The following NYAP2 variants were observed in gnomAD, a reference collection of about 807,000 sequenced individuals.
The protein encoded by NYAP2 is neuronal tyrosine-phosphorylated phosphoinositide-3-kinase adaptor 2.
NYAP2 carries 23 observed loss-of-function variants against 50.4 expected under a neutral mutation model. That is an observed-to-expected ratio of 0.46 (90% CI 0.33 to 0.65). The LOEUF (loss-of-function observed/expected upper bound fraction) is 0.65. Ranked by LOEUF, NYAP2 falls within the 30% of genes least tolerant of loss-of-function variation. The pLI is 0.02. For missense variants in NYAP2, 885 were observed against 861.0 expected, an observed-to-expected ratio of 1.03 and a Z score of -0.35; for synonymous variants, 394 against 365.2, an observed-to-expected ratio of 1.08 and a Z score of -0.90.
chr2:225,655,024 C>T (rs1693800578), downstream of NYAP2, among the ~76,000 whole-genome samples: 1 of 152,208 alleles, frequency 6.6e-6, no homozygotes, highest in South Asian at 2.1e-4. Flanking sequence ...TGACTGGTCC[C>T]CATTCCCCAT....
chr2:225,492,955 A>G (rs1690433986), intron 3 of NYAP2, among the ~76,000 whole-genome samples: 1 of 152,042 alleles, frequency 6.6e-6, no homozygotes, highest in Non-Finnish European at 1.5e-5. Flanking sequence ...TGGCAGAGGA[A>G]TGTGTGCTCT....
intron 3 of NYAP2, among the ~76,000 whole-genome samples, chr2:225,445,273 G>C (rs768611587): frequency 2.0e-5 from 3 of 151,932 alleles, no homozygotes; most frequent in Non-Finnish European, 4.4e-5. Context: ...TTATGCTAAA[G>C]TACATAAAAT....
At chr2:225,552,764 C>T (rs1418758794) in intron 4 of NYAP2, among the ~76,000 whole-genome samples, 3 of 152,166 alleles carry the variant, frequency 2.0e-5, no homozygotes, top group Non-Finnish European at 2.9e-5. Flanking sequence ...GATCTCGGCT[C>T]ACAGCAACCT....
chr2:225,565,958 G>A (rs1231429791), intron 4 of NYAP2, among the ~76,000 whole-genome samples: 3 of 152,008 alleles, frequency 2.0e-5, no homozygotes, highest in African/African-American at 7.2e-5. Context: ...CATATATAGA[G>A]GCAAATTAGT....
intron 5 of NYAP2, among the ~76,000 whole-genome samples, chr2:225,612,796 G>GGACATCACACCCAATGTGTGAGAT (rs1692917658): frequency 8.0e-6 from 1 of 124,390 alleles, no homozygotes; most frequent in Middle Eastern, 3.9e-3. Context: ...CCCCACCTTT[G>GGACATCACACCCAATGTGTGAGAT]GACATCACAC....
intron 3 of NYAP2, among the ~76,000 whole-genome samples, chr2:225,513,077 G>A (rs1690861207): frequency 6.6e-6 from 1 of 152,116 alleles, no homozygotes; most frequent in South Asian, 2.1e-4. Flanking sequence ...CTGAGTCATA[G>A]TCATGGAATT....
At chr2:225,585,150 T>C (rs962435357) in intron 5 of NYAP2, among the ~76,000 whole-genome samples, 6 of 152,228 alleles carry the variant, frequency 3.9e-5, no homozygotes, top group Non-Finnish European at 4.4e-5. Flanking sequence ...TTCCAGATAA[T>C]TCATTGATTG....
At chr2:225,631,657 A>G (rs959881354) in intron 6 of NYAP2, among the ~76,000 whole-genome samples, 3 of 152,332 alleles carry the variant, frequency 2.0e-5, no homozygotes, top group Non-Finnish European at 4.4e-5. Flanking sequence ...CAGGAAAGAA[A>G]AGGAGAAAGG....
chr2:225,631,162 A>G (rs1242748848), intron 6 of NYAP2, among the ~76,000 whole-genome samples: 1 of 152,190 alleles, frequency 6.6e-6, no homozygotes, highest in East Asian at 1.9e-4. Flanking sequence ...ACTTTTTTGA[A>G]CACTTAGTAA....
At chr2:225,545,202 C>G (rs1265094514) in intron 4 of NYAP2, among the ~76,000 whole-genome samples, 7 of 152,026 alleles carry the variant, frequency 4.6e-5, no homozygotes, top group African/African-American at 1.7e-4. Context: ...GTTCTATAAC[C>G]CTGTATCTGA....
the NYAP2 span, among the ~76,000 whole-genome samples, chr2:225,661,742 G>C: frequency 9.0e-6 from 1 of 110,524 alleles, no homozygotes; most frequent in African/African-American, 3.1e-5. Context: ...TTTTTTTTCT[G>C]AGGCGGAGTC....
intron 3 of NYAP2, among the ~76,000 whole-genome samples, chr2:225,507,201 T>A (rs1427632830): frequency 6.6e-6 from 1 of 152,194 alleles, no homozygotes. Flanking sequence ...TGGGGTGGGA[T>A]TATATTTTTC....
chr2:225,521,902 C>T (rs1691065983), intron 4 of NYAP2, among the ~76,000 whole-genome samples: 1 of 152,026 alleles, frequency 6.6e-6, no homozygotes, highest in Non-Finnish European at 1.5e-5. Context: ...TCCATCTGGT[C>T]CTGGACTCTT....
intron 5 of NYAP2, among the ~76,000 whole-genome samples, chr2:225,610,318 T>C (rs533075559): frequency 1.3e-5 from 2 of 152,126 alleles, no homozygotes; most frequent in African/African-American, 2.4e-5. Flanking sequence ...TGGGTGCTCA[T>C]GTGACCTTTA....
At chr2:225,626,868 G>A in intron 5 of NYAP2, 49 bp from the exon 6 acceptor site, 2 of 1,371,180 alleles carry the variant, frequency 1.5e-6, no homozygotes, top group African/African-American at 1.5e-5. Context: ...AGTAATTTAG[G>A]AAGAACTTTA....
chr2:225,632,479 A>G (rs1278828742), intron 6 of NYAP2, among the ~76,000 whole-genome samples: 1 of 152,208 alleles, frequency 6.6e-6, no homozygotes, highest in Non-Finnish European at 1.5e-5. Flanking sequence ...TAGCCACTTG[A>G]AATGGTTGTT....
chr2:225,690,823 G>A, the NYAP2 span, among the ~76,000 whole-genome samples: 1 of 152,054 alleles, frequency 6.6e-6, no homozygotes, highest in East Asian at 1.9e-4. Flanking sequence ...AAGCCCGTGT[G>A]AATCAATACT....
At chr2:225,492,694 A>C (rs1033151881) in intron 3 of NYAP2, among the ~76,000 whole-genome samples, 7 of 152,146 alleles carry the variant, frequency 4.6e-5, no homozygotes, top group African/African-American at 1.7e-4. Context: ...GTGTTTACTC[A>C]TGGTGGAAGG....
At chr2:225,470,373 G>A (rs144955031) in intron 3 of NYAP2, among the ~76,000 whole-genome samples, 4 of 152,118 alleles carry the variant, frequency 2.6e-5, no homozygotes, top group South Asian at 4.2e-4. Flanking sequence ...GTAAAATACC[G>A]TGAGGTTTCA....
Sources: gnomAD v4.1 joint callset for allele counts (sites outside exome capture counted in the v4.1 genomes callset) on GRCh38, gnomAD v4.1.1 for gene constraint, MANE v1.5 for transcripts, NCBI Gene and HGNC (gene_info 2026-07-23, HGNC 2026-07-21) for gene names.